The following IQCM variants were observed in gnomAD, a reference collection of about 807,000 sequenced individuals.
IQCM encodes the protein IQ domain-containing protein M.
A neutral mutation model predicts 57.6 loss-of-function variants in IQCM; 45 were observed. That is an observed-to-expected ratio of 0.78 (90% CI 0.62 to 1.00). The LOEUF (loss-of-function observed/expected upper bound fraction) is 1.00, where lower values mean the gene tolerates loss of function less well. IQCM is among the 50% of genes least tolerant of loss of function. The pLI is 0.00. For missense variants in IQCM, 468 were observed against 511.6 expected, an observed-to-expected ratio of 0.91 and a Z score of 0.82; for synonymous variants, 148 against 158.9, an observed-to-expected ratio of 0.93 and a Z score of 0.51.
At chr4:149,494,040 T>C (rs983016725) in intron 12 of IQCM, among the ~76,000 whole-genome samples, 4 of 141,894 alleles carry the variant, frequency 2.8e-5, no homozygotes, top group African/African-American at 1.0e-4. Flanking sequence ...AAGTCTTTTC[T>C]TTTTTTTTTT....
intron 13 of IQCM, among the ~76,000 whole-genome samples, chr4:149,377,208 A>T (rs926302958): frequency 2.6e-5 from 4 of 152,192 alleles, no homozygotes; most frequent in Non-Finnish European, 5.9e-5. Flanking sequence ...GAATCAATTA[A>T]CATTCTGAAA....
intron 5 of IQCM, among the ~76,000 whole-genome samples, chr4:149,687,817 T>TAA (rs1388800929): frequency 6.6e-6 from 1 of 151,936 alleles, no homozygotes; most frequent in Non-Finnish European, 1.5e-5. Context: ...ATAAATGTGA[T>TAA]ACACCACATA....
intron 6 of IQCM, among the ~76,000 whole-genome samples, chr4:149,684,984 A>G (rs978028968): frequency 6.6e-6 from 1 of 151,420 alleles, no homozygotes; most frequent in Non-Finnish European, 1.5e-5. Flanking sequence ...TAAGCAGGAT[A>G]TGTTTTCATT....
At chr4:149,711,562 C>G (rs1249050775) in intron 5 of IQCM, among the ~76,000 whole-genome samples, 1 of 152,162 alleles carries the variant, frequency 6.6e-6, no homozygotes, top group Non-Finnish European at 1.5e-5. Context: ...CTTTTTTTAG[C>G]TGCTCTGTCC....
Position 149,481,696 on chromosome 4 carries a change from G to GTTTTTTTTTTTTTTTTTTTTT in IQCM, c.1229-48140_1229-48139insAAAAAAAAAAAAAAAAAAAAA, listed in dbSNP as rs1197852884. Among the ~76,000 whole-genome samples, 37 of 33,602 alleles carry GTTTTTTTTTTTTTTTTTTTTT rather than the reference G, an allele frequency of 1.1e-3. 1 individual carries two copies. The highest frequency in any genetic ancestry group is 4.2e-3 in the South Asian group (3 of 720). 22.0% of individuals were successfully genotyped at this position (33,602 alleles called of 152,430 possible). ...GAAGTCATGTAATGTGATTCTTCCA[G>GTTTTTTTTTTTTTTTTTTTTT]TTTTGTTTTTTTTTTTTTTTTTTTT... is the stretch of plus-strand genomic sequence containing the variant. On this transcript the variant is annotated intron_variant, in intron 12 of 13. Coordinates refer to ENST00000636793, the MANE Select transcript of IQCM (RefSeq NM_001363507.2).
At chr4:149,515,824 G>A (rs1349775005) in intron 12 of IQCM, among the ~76,000 whole-genome samples, 1 of 152,208 alleles carries the variant, frequency 6.6e-6, no homozygotes, top group Non-Finnish European at 1.5e-5. Context: ...TGGTGACAAA[G>A]AAATTTGGGG....
At chr4:149,566,515 CGAGAGAGAGA>C (rs144416069) in intron 9 of IQCM, among the ~76,000 whole-genome samples, 1 of 146,674 alleles carries the variant, frequency 6.8e-6, no homozygotes, top group East Asian at 2.0e-4. Flanking sequence ...TACACATGTA[CGAGAGAGAGA>C]GAGAGAGAGA....
intron 13 of IQCM, among the ~76,000 whole-genome samples, chr4:149,400,886 CTTA>C (rs1240830080): frequency 6.6e-6 from 1 of 151,864 alleles, no homozygotes; most frequent in African/African-American, 2.4e-5. Flanking sequence ...TAGACTAATT[CTTA>C]TGACAGACTA....
At chr4:149,589,822 A>G (rs779062313) in intron 8 of IQCM, among the ~76,000 whole-genome samples, 8 of 152,054 alleles carry the variant, frequency 5.3e-5, no homozygotes, top group Non-Finnish European at 8.8e-5. Context: ...TAAAGCAGGA[A>G]GCAGGACCTA....
At chr4:149,811,241 T>C (rs1046461760) in intron 2 of IQCM, among the ~76,000 whole-genome samples, 19 of 152,304 alleles carry the variant, frequency 1.2e-4, no homozygotes, top group African/African-American at 4.6e-4. Flanking sequence ...TCATCTTTGA[T>C]AGAAATCTGG....
chr4:149,595,975 G>T (rs568112590), intron 8 of IQCM, among the ~76,000 whole-genome samples: 16 of 152,146 alleles, frequency 1.1e-4, no homozygotes, highest in Non-Finnish European at 2.2e-4. Flanking sequence ...TCAACATTCA[G>T]ATTAGGAAAG....
At chr4:149,681,508 G>T (rs1183189069) in intron 7 of IQCM, among the ~76,000 whole-genome samples, 3 of 151,132 alleles carry the variant, frequency 2.0e-5, no homozygotes, top group East Asian at 1.9e-4. Flanking sequence ...CCAAACAAAA[G>T]GTGGTAAAAT....
At chr4:149,809,624 G>A (rs949804587) in intron 2 of IQCM, among the ~76,000 whole-genome samples, 1 of 152,078 alleles carries the variant, frequency 6.6e-6, no homozygotes, top group African/African-American at 2.4e-5. Flanking sequence ...TTGATACACA[G>A]GCAACACCTA....
intron 13 of IQCM, among the ~76,000 whole-genome samples, chr4:149,370,449 C>G (rs942741920): frequency 6.6e-6 from 1 of 151,916 alleles, no homozygotes; most frequent in African/African-American, 2.4e-5. Context: ...TATTATTCCC[C>G]TTTTCCTCTT....
intron 8 of IQCM, among the ~76,000 whole-genome samples, chr4:149,615,012 T>A (rs568960730): frequency 6.6e-6 from 1 of 152,234 alleles, no homozygotes; most frequent in African/African-American, 2.4e-5. Flanking sequence ...AAATACTAAC[T>A]AGAAATTACT....
At chr4:149,704,375 AT>A (rs534978969) in intron 5 of IQCM, among the ~76,000 whole-genome samples, 4 of 151,814 alleles carry the variant, frequency 2.6e-5, no homozygotes, top group African/African-American at 9.7e-5. Flanking sequence ...CCCATCGCTT[AT>A]TTTTGCAAAT....
intron 8 of IQCM, among the ~76,000 whole-genome samples, chr4:149,591,028 C>T (rs1013560689): frequency 6.6e-5 from 10 of 152,122 alleles, no homozygotes; most frequent in Middle Eastern, 6.8e-3. Flanking sequence ...ATATGTAAGT[C>T]ATTTATTAAA....
At chr4:149,560,946 C>G (rs1489929182) in intron 10 of IQCM, among the ~76,000 whole-genome samples, 3 of 152,176 alleles carry the variant, frequency 2.0e-5, no homozygotes, top group African/African-American at 7.2e-5. Context: ...ATTCCCCCAA[C>G]AGCAACCCTT....
At chr4:149,648,885 C>T (rs566278313) in intron 7 of IQCM, among the ~76,000 whole-genome samples, 35 of 151,262 alleles carry the variant, frequency 2.3e-4, no homozygotes, top group African/African-American at 8.3e-4. Flanking sequence ...TACCCTAAAA[C>T]TTAAAGTATA....
Sources: allele counts gnomAD v4.1 joint callset (sites outside exome capture counted in the v4.1 genomes callset), GRCh38; gene constraint gnomAD v4.1.1; transcripts MANE v1.5; gene names NCBI Gene and HGNC (gene_info 2026-07-23, HGNC 2026-07-21).